CTDSPL: variants seen among roughly 807,000 people sequenced by gnomAD.
CTDSPL encodes CTD small phosphatase like, also known as CTD small phosphatase-like protein.
Under a neutral mutation model 30.5 loss-of-function variants are expected in CTDSPL, and 8 were observed. The ratio of observed to expected loss-of-function variants is 0.26; its 90% CI spans 0.15 to 0.47. The LOEUF (loss-of-function observed/expected upper bound fraction) is 0.47, where lower values mean the gene tolerates loss of function less well. Ranked by LOEUF, CTDSPL falls within the 20% of genes least tolerant of loss-of-function variation. The probability of loss-of-function intolerance (pLI) is 0.99; values close to 1 mark genes in which losing one functional copy is unlikely to be tolerated. For synonymous variants in CTDSPL, 110 were observed against 137.9 expected (o/e 0.80, Z 1.42); for missense variants, 248 against 366.1 (o/e 0.68, Z 2.63).
intron 5 of CTDSPL, among the ~76,000 whole-genome samples, chr3:37,970,155 G>A (rs558769227): frequency 4.6e-5 from 7 of 152,192 alleles, no homozygotes; most frequent in East Asian, 3.9e-4. Flanking sequence ...CTCAGGCCTC[G>A]GGTCTCACCC....
At chr3:37,961,516 T>C (rs981654182) in intron 3 of CTDSPL, among the ~76,000 whole-genome samples, 5 of 152,170 alleles carry the variant, frequency 3.3e-5, no homozygotes, top group African/African-American at 1.2e-4. Flanking sequence ...AGGCTGGCAG[T>C]GTAACCGAGC....
At chr3:37,888,778 G>C (rs1462962698) in intron 1 of CTDSPL, among the ~76,000 whole-genome samples, 2 of 152,214 alleles carry the variant, frequency 1.3e-5, no homozygotes, top group Non-Finnish European at 2.9e-5. Flanking sequence ...GAATAGCTTG[G>C]TTGTTGCCCA....
Position 37,980,854 on chromosome 3 carries a change from T to C in CTDSPL, c.818T>C (p.Leu273Pro), listed in dbSNP as rs370143461. Residue 273 changes from leucine to proline, a missense_variant, in exon 8 of 8, where the codon CTC becomes CCC. Physicochemically the swap from Leu to Pro is moderately conservative, Grantham distance 98. Around this residue, in one of 4 missense-constraint regions of CTDSPL, gnomAD observed 84 missense variants for 139.4 expected, o/e 0.60. Transcript: ENST00000273179. Reference protein sequence around the residue: ...EDDVYSMLHRLCNR With the variant: ...EDDVYSMLHRPCNR ...GACGTGTACAGCATGCTGCACAGACTCTGCAATAGGTAGCCCTGGCCTCTG... is the reference window on the plus strand; with the variant it reads ...GACGTGTACAGCATGCTGCACAGACCCTGCAATAGGTAGCCCTGGCCTCTG... 7 of 1,613,850 alleles carry C rather than the reference T, an allele frequency of 4.3e-6. No homozygotes were observed. In the African/African-American group the frequency reaches 9.3e-5, roughly 22 times the overall value.
At chr3:37,929,597 G>T (rs1698826344) in intron 1 of CTDSPL, among the ~76,000 whole-genome samples, 1 of 152,184 alleles carries the variant, frequency 6.6e-6, no homozygotes, top group African/African-American at 2.4e-5. Context: ...CATCGTCAGT[G>T]TATAGAAGCA....
intron 5 of CTDSPL, 31 bp downstream of exon 5, chr3:37,967,913 A>G (rs1349528051): frequency 4.7e-6 from 7 of 1,500,274 alleles, no homozygotes; most frequent in African/African-American, 1.4e-5. Context: ...TTGAGTTTCA[A>G]TTAAGATTTT....
intron 1 of CTDSPL, among the ~76,000 whole-genome samples, chr3:37,917,454 G>A (rs965476186): frequency 2.0e-5 from 3 of 152,120 alleles, no homozygotes; most frequent in East Asian, 1.9e-4. Context: ...AGGCACTTTC[G>A]TTGTAATTAT....
chr3:37,910,253 G>A (rs1009210616), intron 1 of CTDSPL, among the ~76,000 whole-genome samples: 1 of 152,192 alleles, frequency 6.6e-6, no homozygotes, highest in Non-Finnish European at 1.5e-5. Flanking sequence ...GCCAAGGCGG[G>A]TGGGTCACCT....
Position 37,862,296 on chromosome 3 carries a change from C to G in CTDSPL, c.79+18C>G. 1 of 1,480,000 alleles carries G rather than the reference C, an allele frequency of 6.8e-7. No homozygotes were observed. The highest frequency in any genetic ancestry group is 8.9e-7 in the Non-Finnish European group (1 of 1,118,186). 91.7% of individuals were successfully genotyped at this position (1,480,000 alleles called of 1,614,324 possible). ...CGAGAAAGGTGAGGAGGGGCGCAGG[C>G]GGCCGCGGGCTGGGGGCGAGCGCAC... On this transcript the variant is annotated intron_variant, in intron 1 of 7. Transcript: ENST00000273179. This position sits in a 1 kb window ranked among gnomAD's most constrained non-coding sequence, Gnocchi z 4.3.
chr3:37,886,613 C>G (rs114469137), intron 1 of CTDSPL, among the ~76,000 whole-genome samples: 181 of 152,262 alleles, frequency 1.2e-3, no homozygotes, highest in African/African-American at 4.1e-3. Context: ...TCAGAGAGAC[C>G]AAGGGACATC....
chr3:37,954,347 C>T (rs747210240), intron 2 of CTDSPL: 8 of 152,160 alleles, frequency 5.3e-5, no homozygotes, highest in Non-Finnish European at 1.2e-4. Context: ...TGGGGTGATA[C>T]GTCATTTCCA....
At position 37,981,042 on chromosome 3, in the gene CTDSPL, A is replaced by G; in HGVS notation, c.*175A>G. ...TTTTAAGAACAGAAACAACTATTTT[A>G]AAAGAACTCTTTTAAGAAATTTCAT... On this transcript the variant is annotated 3_prime_UTR_variant, in exon 8 of 8. Transcript: ENST00000273179. 1 of 602,504 alleles carries G rather than the reference A, an allele frequency of 1.7e-6. No individual in the cohort carries two copies. 37.3% of individuals were successfully genotyped at this position (602,504 alleles called of 1,614,324 possible).
chr3:37,925,475 TG>T (rs1174067910), intron 1 of CTDSPL, among the ~76,000 whole-genome samples: 2 of 152,144 alleles, frequency 1.3e-5, no homozygotes, highest in Admixed American at 6.5e-5. Flanking sequence ...TTGGAGGCTG[TG>T]GGGCCTGCAT....
chr3:37,947,998 A>T (rs779387469), intron 2 of CTDSPL, among the ~76,000 whole-genome samples: 4 of 152,238 alleles, frequency 2.6e-5, no homozygotes, highest in Non-Finnish European at 5.9e-5. Flanking sequence ...AAGTATAAGG[A>T]TGAGGCCAGG....
At position 37,981,129 on chromosome 3, in the gene CTDSPL, G is replaced by GA. The variant is rs375264235; in HGVS notation, c.*279dup. The GA allele has an allele frequency of 5.0e-3, 416 of 83,828 alleles. 1 individual carries two copies. The highest frequency in any genetic ancestry group is 0.02 in the South Asian group (53 of 2,682). 5.2% of individuals were successfully genotyped at this position (83,828 alleles called of 1,614,324 possible). A position where few individuals can be genotyped will look rare whatever the true frequency, so the allele number is the denominator to read the frequency against. On this transcript the variant is annotated 3_prime_UTR_variant, in exon 8 of 8. Transcript: ENST00000273179. Reference sequence around the variant, plus strand: ...AAACATACCAAAAAAGAAAAAAATAGAAAAAAAAAAAAAAAAAGCTTGATC... The same window carrying GA: ...AAACATACCAAAAAAGAAAAAAATAGAAAAAAAAAAAAAAAAAAGCTTGATC...
intron 1 of CTDSPL, among the ~76,000 whole-genome samples, chr3:37,914,858 T>TA (rs1698625949): frequency 6.8e-6 from 1 of 147,280 alleles, no homozygotes; most frequent in African/African-American, 2.5e-5. Context: ...AGAGTTTATA[T>TA]AAGATATATA....
intron 7 of CTDSPL, among the ~76,000 whole-genome samples, chr3:37,978,827 T>C (rs1446950660): frequency 6.6e-6 from 1 of 152,212 alleles, no homozygotes; most frequent in Non-Finnish European, 1.5e-5. Flanking sequence ...TAGGTGGATT[T>C]TCATTGCTAA....
At chr3:37,927,636 A>ATGTG (rs71094932) in intron 1 of CTDSPL, among the ~76,000 whole-genome samples, 23,293 of 115,154 alleles carry the variant, frequency 0.2, 2,337 homozygotes, top group Admixed American at 0.28. Flanking sequence ...AGAAAAATAT[A>ATGTG]TGTGTGTGTG....
Position 37,906,970 on chromosome 3 carries a change from A to T in CTDSPL, c.80-40087A>T, listed in dbSNP as rs185163730. ...TTGAATGTAAAATGCAGGACTAAAG[A>T]GAGTTACAGTCATAAACAGCTTTTA... On this transcript the variant is annotated intron_variant, in intron 1 of 7. Coordinates refer to ENST00000273179, the MANE Select transcript of CTDSPL (RefSeq NM_001008392.2). Among the ~76,000 whole-genome samples the T allele has an allele frequency of 2.6e-5, 4 of 152,328 alleles. No individual in the cohort carries two copies. In the East Asian group the frequency reaches 7.7e-4, roughly 29 times the overall value.
intron 5 of CTDSPL, chr3:37,968,233 C>A: frequency 2.2e-6 from 1 of 460,586 alleles, no homozygotes; most frequent in South Asian, 1.6e-5. Flanking sequence ...CAGGAAAATG[C>A]CACAAGTCAC....
Sources: allele counts gnomAD v4.1 joint callset (sites outside exome capture counted in the v4.1 genomes callset), GRCh38; gene constraint gnomAD v4.1.1; regional missense constraint gnomAD v4.1.1; non-coding constraint Gnocchi (gnomAD v3.1); transcripts MANE v1.5; gene names NCBI Gene and HGNC (gene_info 2026-07-23, HGNC 2026-07-21).